The following ANAPC7 variants were observed in gnomAD, a reference collection of about 807,000 sequenced individuals.
The protein encoded by ANAPC7 is anaphase-promoting complex subunit 7.
A neutral mutation model predicts 63.3 loss-of-function variants in ANAPC7; 25 were observed. That is an observed-to-expected ratio of 0.39 (90% CI 0.29 to 0.55). The LOEUF is 0.55. ANAPC7 is among the 20% of genes least tolerant of loss of function. The probability of loss-of-function intolerance (pLI) is 0.57; values close to 1 mark genes in which losing one functional copy is unlikely to be tolerated. For missense variants in ANAPC7, 516 were observed against 691.7 expected (o/e 0.75, Z 2.85); for synonymous variants, 241 against 251.7 (o/e 0.96, Z 0.40).
intron 1 of ANAPC7, among the ~76,000 whole-genome samples, chr12:110,401,892 T>A (rs965206430): frequency 2.3e-5 from 3 of 132,576 alleles, no homozygotes; most frequent in Admixed American, 9.6e-5. Flanking sequence ...GATAATGGCG[T>A]GAACCCAGAA....
chr12:110,399,771 CGA>C (rs893193288), intron 1 of ANAPC7, among the ~76,000 whole-genome samples: 20 of 136,648 alleles, frequency 1.5e-4, no homozygotes, highest in African/African-American at 3.9e-4. Context: ...GCCTGGGTGA[CGA>C]GAGAGAGACT....
rs574654103 is a variant in ANAPC7, at chr12:110,373,288, T to C, written c.*856A>G. 3.9e-5 allele frequency: 6 copies of C among 152,276 alleles called. No individual in the cohort carries two copies. The highest frequency in any genetic ancestry group is 1.9e-4 in the East Asian group (1 of 5,184). The allele number at this position is 152,276 out of a possible 1,614,324, so 9.4% of individuals were successfully genotyped here. On this transcript the variant is annotated 3_prime_UTR_variant, in exon 11 of 11. Coordinates refer to ENST00000455511, the MANE Select transcript of ANAPC7 (RefSeq NM_016238.3). ...CTCTCAGGCTCCAGGGAAATTAACC[T>C]ACCCAATATGCAAACAGATGAACCA...
chr12:110,395,818 G>A lies in ANAPC7; in HGVS notation c.288+448C>T, dbSNP rs568829429. The stretch of plus-strand genomic sequence containing the variant: ...CTCCCAAAGTGCTGGGATTACAGGC[G>A]TGAGCCACTGCGCCCAGCTTCTGGC... On this transcript the variant is annotated intron_variant, in intron 2 of 10. Transcript: ENST00000455511. Among the ~76,000 whole-genome samples the A allele has an allele frequency of 1.9e-3, 291 of 152,258 alleles. 1 individual carries two copies. Among genetic ancestry groups the A allele is most frequent in the Non-Finnish European group, 3.3e-3 (226 of 68,026 alleles).
intron 1 of ANAPC7, among the ~76,000 whole-genome samples, chr12:110,398,371 A>G (rs1449352758): frequency 6.6e-6 from 1 of 151,964 alleles, no homozygotes; most frequent in Non-Finnish European, 1.5e-5. Flanking sequence ...GGCCAAGATC[A>G]TGCCATTTGT....
At chr12:110,389,904 A>C (rs1170685379) in intron 3 of ANAPC7, among the ~76,000 whole-genome samples, 2 of 151,688 alleles carry the variant, frequency 1.3e-5, no homozygotes, top group African/African-American at 2.4e-5. Flanking sequence ...TGCACTCCAG[A>C]CTGGGAGACA....
At chr12:110,388,746 C>A in intron 3 of ANAPC7, 123 bp from the exon 4 acceptor site, 3 of 716,774 alleles carry the variant, frequency 4.2e-6, no homozygotes, top group South Asian at 3.7e-5. Context: ...CTACCCACAA[C>A]CCTGTGCAAA....
rs984158287 is a variant in ANAPC7, at chr12:110,376,048, A to G, written c.1508+18T>C. 1.2e-6 allele frequency: 2 copies of G among 1,604,224 alleles called. No individual in the cohort carries two copies. The highest frequency in any genetic ancestry group is 3.4e-4 in the Middle Eastern group (2 of 5,908). On this transcript the variant is annotated intron_variant, in intron 10 of 10. Transcript: ENST00000455511. ...TACCCTCCTCAGTGGCCTTCCCCCA[A>G]GGGAGGCTAGTGCCTACCTTAGTGC...
chr12:110,382,682 G>A (rs1882053114), intron 7 of ANAPC7, among the ~76,000 whole-genome samples, 161 bp downstream of exon 7: 1 of 151,400 alleles, frequency 6.6e-6, no homozygotes, highest in Non-Finnish European at 1.5e-5. Context: ...CAATCCACCT[G>A]TCTCAGTCTC....
At chr12:110,388,139 C>G (rs1352727730) in intron 4 of ANAPC7, among the ~76,000 whole-genome samples, 1 of 152,122 alleles carries the variant, frequency 6.6e-6, no homozygotes, top group African/African-American at 2.4e-5. Context: ...TGGGTTCAAG[C>G]GATACTCATG....
rs137996217 is a variant in ANAPC7, at chr12:110,382,441, TAAAAAAAAAAAAAAA to T, written c.935+387_935+401del. Among the ~76,000 whole-genome samples, 19 of 53,064 alleles carry T rather than the reference TAAAAAAAAAAAAAAA, an allele frequency of 3.6e-4. 1 individual carries two copies. Among genetic ancestry groups the T allele is most frequent in the African/African-American group, 1.2e-3 (16 of 12,962 alleles). The allele number at this position is 53,064 out of a possible 152,430, so 34.8% of individuals were successfully genotyped here. ...TTGAATCCAGGGCTGATTATCCTTT[TAAAAAAAAAAAAAAA>T]AAAAAATATATATATATATATATAT... is the stretch of plus-strand genomic sequence containing the variant. On this transcript the variant is annotated intron_variant, in intron 7 of 10. Coordinates refer to ENST00000455511, the MANE Select transcript of ANAPC7 (RefSeq NM_016238.3).
intron 6 of ANAPC7, among the ~76,000 whole-genome samples, chr12:110,386,073 C>G (rs962222370): frequency 2.0e-5 from 3 of 151,920 alleles, no homozygotes; most frequent in Non-Finnish European, 4.4e-5. Context: ...GCTATGACCC[C>G]CTCAAAAGAA....
Position 110,381,855 on chromosome 12 carries a change from T to C in ANAPC7, c.1029A>G (p.Leu343=), listed in dbSNP as rs774922917. 1.2e-6 allele frequency: 2 copies of C among 1,612,724 alleles called. No individual in the cohort carries two copies. Among genetic ancestry groups the C allele is most frequent in the South Asian group, 1.1e-5 (1 of 91,034 alleles). Residue 343 remains leucine, a synonymous_variant, in exon 8 of 11, where the codon CTA becomes CTG. Coordinates refer to ENST00000455511, the MANE Select transcript of ANAPC7 (RefSeq NM_016238.3). ...QLNSNSVQAL[L]LKGAALRNMG... is the part of the protein sequence containing the mutation. ...TGTTCCTAAGTGCTGCTCCCTTAAG[T>C]AGCAGAGCTTGAACACTATTACTGT... is the stretch of plus-strand genomic sequence containing the variant.
At chr12:110,387,303 G>GAC (rs1882622457) in intron 5 of ANAPC7, 2 of 135,342 alleles carry the variant, frequency 1.5e-5, no homozygotes, top group Non-Finnish European at 3.3e-5. Flanking sequence ...GAGAGAGAGA[G>GAC]AGAGAGACAG....
At chr12:110,390,227 C>A (rs1468647739) in intron 3 of ANAPC7, among the ~76,000 whole-genome samples, 1 of 151,914 alleles carries the variant, frequency 6.6e-6, no homozygotes, top group Non-Finnish European at 1.5e-5. Flanking sequence ...CGCCACCACG[C>A]CCAGCTAATT....
chr12:110,393,948 G>A (rs183708557), intron 3 of ANAPC7, among the ~76,000 whole-genome samples: 6 of 150,342 alleles, frequency 4.0e-5, no homozygotes, highest in African/African-American at 7.3e-5. Context: ...CGTGGCAGGC[G>A]AATCACAAAG....
At chr12:110,398,624 A>G (rs2062177340) in intron 1 of ANAPC7, among the ~76,000 whole-genome samples, 1 of 152,158 alleles carries the variant, frequency 6.6e-6, no homozygotes, top group African/African-American at 2.4e-5. Context: ...CTTCCCAAAT[A>G]AGAGGAAGAA....
intron 10 of ANAPC7, 42 bp from the exon 11 acceptor site, chr12:110,374,375 T>G (rs746953116): frequency 6.3e-7 from 1 of 1,575,938 alleles, no homozygotes; most frequent in East Asian, 2.3e-5. Context: ...AATCTCTGCC[T>G]TGCTCTTGCT....
chr12:110,397,938 G>T (rs1421314501), intron 1 of ANAPC7, among the ~76,000 whole-genome samples: 1 of 151,676 alleles, frequency 6.6e-6, no homozygotes, highest in Non-Finnish European at 1.5e-5. Context: ...ATAGCAAGAG[G>T]ATTGGCCTTG....
intron 1 of ANAPC7, among the ~76,000 whole-genome samples, chr12:110,399,311 C>T (rs1310863273): frequency 2.6e-5 from 4 of 151,884 alleles, no homozygotes; most frequent in Non-Finnish European, 4.4e-5. Context: ...TGAGCCACTG[C>T]GCCCAGCCGA....
Sources: allele counts gnomAD v4.1 joint callset (sites outside exome capture counted in the v4.1 genomes callset), GRCh38; gene constraint gnomAD v4.1.1; transcripts MANE v1.5; gene names NCBI Gene and HGNC (gene_info 2026-07-23, HGNC 2026-07-21).